PDZRN4: variants seen among roughly 807,000 people sequenced by gnomAD.
The protein encoded by PDZRN4 is PDZ domain-containing RING finger protein 4.
In PDZRN4, 70 loss-of-function variants were observed where a neutral mutation model predicts 99.0. The observed-to-expected ratio is 0.71, with a 90% CI of 0.58 to 0.86. The LOEUF (loss-of-function observed/expected upper bound fraction) is 0.86, where lower values mean the gene tolerates loss of function less well. PDZRN4 is among the 40% of genes least tolerant of loss of function. The pLI, the probability that PDZRN4 is intolerant of heterozygous loss-of-function variation, is 0.00. For synonymous variants in PDZRN4, 551 were observed against 501.6 expected, an observed-to-expected ratio of 1.10 and a Z score of -1.32; for missense variants, 1,474 against 1,331.2, an observed-to-expected ratio of 1.11 and a Z score of -1.67.
chr12:41,555,765 G>A lies in PDZRN4; in HGVS notation c.1365+5G>A, dbSNP rs774403974. ...GAAGGGGATCGGATTTTGCAAGTAGGTGGTATAGTAATTTCCTTTAGTTCC... is the reference window on the plus strand; with the variant it reads ...GAAGGGGATCGGATTTTGCAAGTAGATGGTATAGTAATTTCCTTTAGTTCC... On this transcript the variant is annotated splice_donor_5th_base_variant and intron_variant, in intron 7 of 9. Coordinates refer to ENST00000402685, the MANE Select transcript of PDZRN4 (RefSeq NM_001164595.2). 1.2e-6 allele frequency: 2 copies of A among 1,611,806 alleles called. No individual in the cohort carries two copies. The highest frequency in any genetic ancestry group is 1.7e-6 in the Non-Finnish European group (2 of 1,177,934).
chr12:41,572,805 A>G lies in PDZRN4; in HGVS notation c.2026A>G (p.Ile676Val), dbSNP rs1398094545. 3 of 1,614,194 alleles carry G rather than the reference A, an allele frequency of 1.9e-6. No individual in the cohort carries two copies. The highest frequency in any genetic ancestry group is 1.6e-4 in the Middle Eastern group (1 of 6,062). The change falls in exon 10 of 10, where the codon ATT (isoleucine) becomes GTT (valine). Residue 676 changes from isoleucine (I) to valine (V), a missense_variant. By Grantham distance (29) the Ile-to-Val change is conservative. Transcript: ENST00000402685. Reference protein sequence around the residue: ...LQLLNEELRNIELECQNIMQA... With the variant: ...LQLLNEELRNVELECQNIMQA... Reference sequence around the variant, plus strand: ...GTTGCTTAATGAAGAACTGAGAAACATTGAGCTTGAGTGTCAGAATATCAT... The same window carrying G: ...GTTGCTTAATGAAGAACTGAGAAACGTTGAGCTTGAGTGTCAGAATATCAT...
chr12:41,421,171 T>C lies in PDZRN4; in HGVS notation c.844-85285T>C, dbSNP rs563010752. On this transcript the variant is annotated intron_variant, in intron 3 of 9. Coordinates refer to ENST00000402685, the MANE Select transcript of PDZRN4 (RefSeq NM_001164595.2). ...CACTATTGTAAAACATCATTACTTT[T>C]TATAATTCCTAATGTTATTAGACTA... Among the ~76,000 whole-genome samples the C allele has an allele frequency of 1.2e-4, 19 of 152,310 alleles. No individual in the cohort carries two copies. The South Asian group carries it at 3.5e-3, about 28-fold the overall frequency.
At chr12:41,359,536 A>G (rs1951950576) in intron 3 of PDZRN4, among the ~76,000 whole-genome samples, 1 of 151,954 alleles carries the variant, frequency 6.6e-6, no homozygotes, top group Non-Finnish European at 1.5e-5. Context: ...ATAATTCCCA[A>G]CTGTAATGGA....
intron 3 of PDZRN4, among the ~76,000 whole-genome samples, chr12:41,301,191 G>C (rs183680086): frequency 1.3e-5 from 2 of 152,092 alleles, no homozygotes; most frequent in Admixed American, 1.3e-4. Context: ...GGGGATGGGG[G>C]AAGAGGCAGA....
At chr12:41,394,791 G>A (rs1263345300) in intron 3 of PDZRN4, among the ~76,000 whole-genome samples, 5 of 151,940 alleles carry the variant, frequency 3.3e-5, no homozygotes. Flanking sequence ...GAGAGAGAGA[G>A]AGAGAGTGAG....
chr12:41,302,935 T>TAC (rs71846165), intron 3 of PDZRN4, among the ~76,000 whole-genome samples: 2,774 of 127,204 alleles, frequency 0.022, 97 homozygotes, highest in South Asian at 0.16. Context: ...ATATATAAAA[T>TAC]ACACACACAC....
At chr12:41,437,985 A>T (rs1324947311) in intron 3 of PDZRN4, 2 of 1,614,152 alleles carry the variant, frequency 1.2e-6, no homozygotes, top group East Asian at 4.5e-5. Context: ...AGAGAGGAAC[A>T]CTACAAACTG....
intron 3 of PDZRN4, among the ~76,000 whole-genome samples, chr12:41,204,297 A>C (rs1178349759): frequency 6.6e-6 from 1 of 151,972 alleles, no homozygotes; most frequent in Non-Finnish European, 1.5e-5. Flanking sequence ...AGGTCCTCTA[A>C]AAAGTCTTGA....
At chr12:41,456,265 G>A (rs1047744141) in intron 3 of PDZRN4, among the ~76,000 whole-genome samples, 3 of 152,078 alleles carry the variant, frequency 2.0e-5, no homozygotes, top group Non-Finnish European at 4.4e-5. Context: ...CACCTCAGTT[G>A]GAACCAATTT....
chr12:41,312,303 T>C (rs2080361328), intron 3 of PDZRN4, among the ~76,000 whole-genome samples: 1 of 152,034 alleles, frequency 6.6e-6, no homozygotes, highest in African/African-American at 2.4e-5. Context: ...TGAGTTTCTC[T>C]ATAGCAAAAA....
chr12:41,314,829 A>G (rs1458399791), intron 3 of PDZRN4, among the ~76,000 whole-genome samples: 1 of 150,518 alleles, frequency 6.6e-6, no homozygotes, highest in Non-Finnish European at 1.5e-5. Context: ...TTCTTTTTCA[A>G]GTTTTTTTCA....
At chr12:41,510,359 C>CTA (rs1938285374) in intron 5 of PDZRN4, among the ~76,000 whole-genome samples, 1 of 152,132 alleles carries the variant, frequency 6.6e-6, no homozygotes, top group Non-Finnish European at 1.5e-5. Flanking sequence ...GGTCTGTACT[C>CTA]TAAAGAGCCA....
chr12:41,434,753 CA>C (rs2120449031), intron 3 of PDZRN4, among the ~76,000 whole-genome samples: 1 of 152,208 alleles, frequency 6.6e-6, no homozygotes, highest in Non-Finnish European at 1.5e-5. Flanking sequence ...TATGTTTTTA[CA>C]TTTTGATGAG....
chr12:41,223,960 A>C (rs1950975721), intron 3 of PDZRN4, among the ~76,000 whole-genome samples: 1 of 152,236 alleles, frequency 6.6e-6, no homozygotes, highest in African/African-American at 2.4e-5. Context: ...CCTTCCACTA[A>C]AGAGGCCTCT....
chr12:41,268,643 G>C (rs1293545011), intron 3 of PDZRN4, among the ~76,000 whole-genome samples: 2 of 152,104 alleles, frequency 1.3e-5, no homozygotes. Flanking sequence ...GAAACTTAAA[G>C]AGAATCAGCA....
At chr12:41,565,896 G>C (rs1442568616) in intron 8 of PDZRN4, among the ~76,000 whole-genome samples, 1 of 152,102 alleles carries the variant, frequency 6.6e-6, no homozygotes, top group African/African-American at 2.4e-5. Flanking sequence ...GGTGCAGATA[G>C]ATCCCCACTC....
chr12:41,532,968 C>T (rs533405808), intron 5 of PDZRN4, among the ~76,000 whole-genome samples: 1 of 152,138 alleles, frequency 6.6e-6, no homozygotes, highest in Non-Finnish European at 1.5e-5. Context: ...TATAACTATA[C>T]ATTAGATCAA....
chr12:41,542,516 C>T (rs951529671), intron 5 of PDZRN4, among the ~76,000 whole-genome samples: 1 of 152,228 alleles, frequency 6.6e-6, no homozygotes, highest in African/African-American at 2.4e-5. Context: ...GGATAATACG[C>T]TTCATTCAGC....
chr12:41,551,190 C>A (rs1648225674), intron 5 of PDZRN4, among the ~76,000 whole-genome samples: 1 of 151,962 alleles, frequency 6.6e-6, no homozygotes, highest in African/African-American at 2.4e-5. Context: ...ATAGAGGTCA[C>A]CTTCTCACTG....
Sources: gnomAD v4.1 joint callset for allele counts (sites outside exome capture counted in the v4.1 genomes callset) on GRCh38, gnomAD v4.1.1 for gene constraint, MANE v1.5 for transcripts, NCBI Gene and HGNC (gene_info 2026-07-23, HGNC 2026-07-21) for gene names.